The following CYLD variants were observed in gnomAD, a reference collection of about 807,000 sequenced individuals.
CYLD encodes the protein ubiquitin carboxyl-terminal hydrolase CYLD.
Under a neutral mutation model 104.5 loss-of-function variants are expected in CYLD, and 26 were observed. The ratio of observed to expected loss-of-function variants is 0.25; its 90% CI spans 0.18 to 0.35. The LOEUF is 0.35. CYLD is among the 10% of genes least tolerant of loss of function. CYLD has a pLI of 1.00. For synonymous variants in CYLD, 385 were observed against 399.9 expected, an observed-to-expected ratio of 0.96 and a Z score of 0.45; for missense variants, 703 against 1,136.1, an observed-to-expected ratio of 0.62 and a Z score of 5.48.
At chr16:50,772,897 CTT>C (rs1244411402) in intron 5 of CYLD, among the ~76,000 whole-genome samples, 1 of 152,176 alleles carries the variant, frequency 6.6e-6, no homozygotes, top group Non-Finnish European at 1.5e-5. Context: ...CAGCATGCAA[CTT>C]TTGGTGTTAT....
chr16:50,752,345 A>AT (rs903620331), intron 4 of CYLD, among the ~76,000 whole-genome samples: 9 of 152,116 alleles, frequency 5.9e-5, no homozygotes, highest in Non-Finnish European at 8.8e-5. Context: ...GGGGTACTCC[A>AT]TTTTTTTGTG....
chr16:50,791,541 T>C lies in CYLD; in HGVS notation c.2109-17T>C. 1 of 1,613,510 alleles carries C rather than the reference T, an allele frequency of 6.2e-7. No homozygotes were observed. The highest frequency in any genetic ancestry group is 1.1e-5 in the South Asian group (1 of 91,080). On this transcript the variant is annotated splice_polypyrimidine_tract_variant and intron_variant, in intron 14 of 18. Coordinates refer to ENST00000427738, the MANE Select transcript of CYLD (RefSeq NM_001378743.1). ...GATAAATAGGTTGTATGTATTTTTT[T>C]CTCTGCGTGTTTTTAGATCAGCAGG...
intron 3 of CYLD, 61 bp from the exon 4 acceptor site, chr16:50,751,543 C>G (rs1012947567): frequency 2.0e-6 from 3 of 1,477,518 alleles, no homozygotes; most frequent in Non-Finnish European, 2.8e-6. Flanking sequence ...CTAGAGTGAA[C>G]CCCTTTTCCT....
chr16:50,777,725 C>A, intron 7 of CYLD, 100 bp from the exon 8 acceptor site: 1 of 719,890 alleles, frequency 1.4e-6, no homozygotes, highest in Non-Finnish European at 2.5e-6. Flanking sequence ...GTTATGTAAA[C>A]AGTTATTAAC....
At chr16:50,782,904 GA>G (rs1970372286) in intron 11 of CYLD, among the ~76,000 whole-genome samples, 1 of 146,994 alleles carries the variant, frequency 6.8e-6, no homozygotes, top group Non-Finnish European at 1.5e-5. Context: ...TTCCAAAGTG[GA>G]ACAACTTAAG....
At position 50,798,317 on chromosome 16, in the gene CYLD, T is replaced by TA. The variant is rs1033364589; in HGVS notation, c.*1816dup. 14 of 231,470 alleles carry TA rather than the reference T, an allele frequency of 6.0e-5. 1 individual carries two copies. Among genetic ancestry groups the TA allele is most frequent in the African/African-American group, 2.0e-4 (9 of 45,358 alleles). 14.3% of individuals were successfully genotyped at this position (231,470 alleles called of 1,614,324 possible). ...TGCAAATGGAAAATACGATTTTTTT[T>TA]AAAAAAAGGATGGTTACATCCGTAT... On this transcript the variant is annotated 3_prime_UTR_variant, in exon 19 of 19. Transcript: ENST00000427738.
chr16:50,755,009 ATATAT>A (rs1247085033), intron 5 of CYLD, among the ~76,000 whole-genome samples: 3 of 12,370 alleles, frequency 2.4e-4, no homozygotes, highest in Non-Finnish European at 5.5e-4. Flanking sequence ...ATATATACAT[ATATAT>A]GTATATATAC....
chr16:50,745,032 C>T (rs1007581111), intron 2 of CYLD, among the ~76,000 whole-genome samples: 3 of 152,276 alleles, frequency 2.0e-5, no homozygotes, highest in East Asian at 1.9e-4. Context: ...TGTTTCAACT[C>T]GTTGGTAATT....
At chr16:50,775,061 T>G (rs1426743878) in intron 5 of CYLD, 105 bp from the exon 6 acceptor site, 1 of 943,494 alleles carries the variant, frequency 1.1e-6, no homozygotes, top group Non-Finnish European at 1.6e-6. Flanking sequence ...TTCCTCTTTT[T>G]TTAAGAAAAG....
intron 5 of CYLD, among the ~76,000 whole-genome samples, chr16:50,761,122 G>C (rs1473265157): frequency 1.3e-5 from 2 of 152,080 alleles, no homozygotes; most frequent in Non-Finnish European, 2.9e-5. Flanking sequence ...TTTTTAAATT[G>C]GGTTAGGTTA....
At chr16:50,742,689 TTGG>T in intron 1 of CYLD, 70 bp from the exon 2 acceptor site, 1 of 396,780 alleles carries the variant, frequency 2.5e-6, no homozygotes. Flanking sequence ...TTTGCGGGTG[TTGG>T]TGGCTCCCGT....
intron 5 of CYLD, among the ~76,000 whole-genome samples, chr16:50,755,137 G>T (rs554985572): frequency 2.7e-5 from 1 of 36,882 alleles, no homozygotes; most frequent in South Asian, 6.8e-4. Flanking sequence ...ATATACACAC[G>T]TGTACATATG....
intron 5 of CYLD, among the ~76,000 whole-genome samples, chr16:50,767,726 A>G (rs1968674225): frequency 1.3e-5 from 2 of 152,152 alleles, no homozygotes; most frequent in Admixed American, 1.3e-4. Flanking sequence ...TGTTTTTCTC[A>G]GTTGGCTGTA....
chr16:50,758,074 A>C (rs1204326572), intron 5 of CYLD, among the ~76,000 whole-genome samples: 3 of 152,128 alleles, frequency 2.0e-5, no homozygotes, highest in African/African-American at 7.2e-5. Flanking sequence ...TAAATATGTA[A>C]TGTGTATGAT....
intron 16 of CYLD, 21 bp downstream of exon 16, chr16:50,792,726 GTTTGT>G: frequency 7.9e-7 from 1 of 1,270,070 alleles, no homozygotes; most frequent in Non-Finnish European, 1.1e-6. Flanking sequence ...GATTTTTTTA[GTTTGT>G]TTTGTTGGTT....
chr16:50,753,701 G>A (rs142332636), intron 4 of CYLD, among the ~76,000 whole-genome samples: 144 of 152,238 alleles, frequency 9.5e-4, no homozygotes, highest in African/African-American at 3.3e-3. Context: ...TGACTGGCCC[G>A]TCTACTGATG....
chr16:50,780,082 C>G (rs745932547), intron 9 of CYLD, 38 bp downstream of exon 9: 1 of 1,611,430 alleles, frequency 6.2e-7, no homozygotes. Context: ...ATTTTTTTCT[C>G]TGTGAGGTTT....
At position 50,751,561 on chromosome 16, in the gene CYLD, G is replaced by A. The variant is rs192488410; in HGVS notation, c.505-43G>A. ...GAGTGAACCCCTTTTCCTATGGATC[G>A]TCTTTCTATATCTATTTCTTTCCCT... is the stretch of plus-strand genomic sequence containing the variant. On this transcript the variant is annotated intron_variant, in intron 3 of 18. Transcript: ENST00000427738. 154 of 1,587,962 alleles carry A rather than the reference G, an allele frequency of 9.7e-5. 1 individual carries two copies. In the Admixed American group the frequency reaches 2.2e-3, roughly 22 times the overall value.
chr16:50,786,743 T>C (rs1263645269), intron 12 of CYLD, 112 bp from the exon 13 acceptor site: 8 of 780,754 alleles, frequency 1.0e-5, no homozygotes, highest in East Asian at 8.2e-5. Context: ...GCCTGAGTGA[T>C]AGAGTGAGAC....
Sources: allele counts gnomAD v4.1 joint callset (sites outside exome capture counted in the v4.1 genomes callset), GRCh38; gene constraint gnomAD v4.1.1; transcripts MANE v1.5; gene names NCBI Gene and HGNC (gene_info 2026-07-23, HGNC 2026-07-21).